The following CDK19 variants were observed in gnomAD, a reference collection of about 807,000 sequenced individuals.
The protein encoded by CDK19 is cyclin-dependent kinase 19.
CDK19 carries 20 observed loss-of-function variants against 68.3 expected under a neutral mutation model. The observed-to-expected ratio is 0.29, with a 90% CI of 0.21 to 0.43. CDK19 has a LOEUF of 0.43. CDK19 is among the 20% of genes least tolerant of loss of function. The probability of loss-of-function intolerance (pLI) is 1.00; values close to 1 mark genes in which losing one functional copy is unlikely to be tolerated. For synonymous variants in CDK19, 221 were observed against 222.8 expected, an observed-to-expected ratio of 0.99 and a Z score of 0.07; for missense variants, 339 against 623.5, an observed-to-expected ratio of 0.54 and a Z score of 4.86.
chr6:110,724,932 T>C (rs940214637), intron 2 of CDK19, among the ~76,000 whole-genome samples: 4 of 152,182 alleles, frequency 2.6e-5, no homozygotes, highest in South Asian at 2.1e-4. Context: ...GTACCAGCTA[T>C]TGGAGTCTTT....
At chr6:110,675,864 C>T (rs1475579127) in intron 2 of CDK19, among the ~76,000 whole-genome samples, 2 of 152,280 alleles carry the variant, frequency 1.3e-5, no homozygotes, top group Non-Finnish European at 1.5e-5. Flanking sequence ...GAGATTAATG[C>T]TGCTTTCCTG....
chr6:110,675,685 A>G (rs867767342), intron 2 of CDK19, among the ~76,000 whole-genome samples: 2 of 152,160 alleles, frequency 1.3e-5, no homozygotes, highest in Middle Eastern at 6.8e-3. Context: ...GTGCTCCATA[A>G]ATGTAACAAC....
intron 2 of CDK19, among the ~76,000 whole-genome samples, chr6:110,719,043 G>C (rs1290255987): frequency 6.6e-6 from 1 of 152,090 alleles, no homozygotes; most frequent in Non-Finnish European, 1.5e-5. Flanking sequence ...AAATGCAAGC[G>C]TAACTACTAA....
chr6:110,679,082 G>C (rs989318057), intron 2 of CDK19, among the ~76,000 whole-genome samples: 1 of 152,166 alleles, frequency 6.6e-6, no homozygotes, highest in African/African-American at 2.4e-5. Flanking sequence ...GCCAAGGCAG[G>C]AGGACCACTC....
intron 2 of CDK19, among the ~76,000 whole-genome samples, chr6:110,716,561 A>G (rs1775415082): frequency 1.3e-5 from 2 of 152,218 alleles, no homozygotes; most frequent in African/African-American, 4.8e-5. Flanking sequence ...TTCTACAAAA[A>G]GATTATAGAA....
At chr6:110,814,774 G>C (rs577863985) in intron 1 of CDK19, 2 of 662,858 alleles carry the variant, frequency 3.0e-6, no homozygotes, top group South Asian at 1.5e-5. Context: ...CCTCTGGGAC[G>C]GGACCGACGC....
At chr6:110,681,067 G>C (rs1258123904) in intron 2 of CDK19, among the ~76,000 whole-genome samples, 3 of 151,844 alleles carry the variant, frequency 2.0e-5, no homozygotes, top group African/African-American at 7.3e-5. Context: ...GCTGGGCGTG[G>C]TGGCTCACAC....
chr6:110,742,431 G>T (rs1777748563), intron 2 of CDK19, among the ~76,000 whole-genome samples: 1 of 152,110 alleles, frequency 6.6e-6, no homozygotes, highest in Non-Finnish European at 1.5e-5. Context: ...TGAAATCAGT[G>T]CACCCTGAAA....
At chr6:110,654,305 A>T (rs1781162009) in intron 4 of CDK19, among the ~76,000 whole-genome samples, 1 of 152,168 alleles carries the variant, frequency 6.6e-6, no homozygotes, top group Non-Finnish European at 1.5e-5. Context: ...TAAGAGTAAA[A>T]TCTATGCCTT....
At chr6:110,726,680 G>A (rs931854925) in intron 2 of CDK19, among the ~76,000 whole-genome samples, 4 of 152,094 alleles carry the variant, frequency 2.6e-5, no homozygotes, top group African/African-American at 9.7e-5. Context: ...AATTGAGTGG[G>A]AAAGATAGAT....
At chr6:110,695,670 C>T (rs1307517263) in intron 2 of CDK19, among the ~76,000 whole-genome samples, 1 of 151,964 alleles carries the variant, frequency 6.6e-6, no homozygotes, top group Non-Finnish European at 1.5e-5. Context: ...GATATTACAA[C>T]CGATACCACA....
chr6:110,755,802 T>C (rs1438474167), intron 1 of CDK19, among the ~76,000 whole-genome samples: 1 of 152,086 alleles, frequency 6.6e-6, no homozygotes, highest in Non-Finnish European at 1.5e-5. Flanking sequence ...ATCAAACAGG[T>C]ATTCTCAGTA....
At chr6:110,675,129 A>G (rs112159435) in intron 2 of CDK19, among the ~76,000 whole-genome samples, 3,136 of 152,304 alleles carry the variant, frequency 0.021, 97 homozygotes, top group African/African-American at 0.073. Context: ...TGGCTACACT[A>G]AACAACAGAT....
intron 2 of CDK19, among the ~76,000 whole-genome samples, chr6:110,712,128 C>A (rs1582922993): frequency 6.6e-6 from 1 of 152,220 alleles, no homozygotes; most frequent in African/African-American, 2.4e-5. Flanking sequence ...AGACAGGCTA[C>A]TCCTCCTGTA....
chr6:110,805,632 C>T (rs1228862540), intron 1 of CDK19, among the ~76,000 whole-genome samples: 1 of 150,458 alleles, frequency 6.6e-6, no homozygotes. Flanking sequence ...CACAAATCTG[C>T]GTGTAAGTGG....
intron 1 of CDK19, among the ~76,000 whole-genome samples, chr6:110,767,844 CTT>C (rs777099988): frequency 6.6e-5 from 10 of 151,970 alleles, no homozygotes; most frequent in Non-Finnish European, 1.2e-4. Context: ...GGAAGTTAGA[CTT>C]GAGTAAAACT....
At chr6:110,675,759 C>T (rs568077586) in intron 2 of CDK19, among the ~76,000 whole-genome samples, 1 of 151,996 alleles carries the variant, frequency 6.6e-6, no homozygotes, top group African/African-American at 2.4e-5. Context: ...GCCCACTATT[C>T]GGACTGACTA....
intron 2 of CDK19, chr6:110,722,260 A>G (rs1775956046): frequency 6.6e-6 from 1 of 152,028 alleles, no homozygotes; most frequent in African/African-American, 2.4e-5. Flanking sequence ...TTAAATATGG[A>G]ACTCTTCACA....
rs1461167708 is a variant in CDK19, at chr6:110,621,368, ATTCTT to A, written c.1111-3_1112del. ...GATGCTGGTTCTGCTGCTGTTGCTG[ATTCTT>A]TTAAGGGGAAAAAAGCAAGCTTGGT... On this transcript the variant is annotated splice_acceptor_variant and splice_polypyrimidine_tract_variant and coding_sequence_variant and intron_variant, in exon 12 of 13. Transcript: ENST00000368911. LOFTEE classifies it high-confidence loss of function. This position sits in a 1 kb window ranked among gnomAD's most constrained non-coding sequence, Gnocchi z 5.4. 14 of 1,539,448 alleles carry A rather than the reference ATTCTT, an allele frequency of 9.1e-6. No individual in the cohort carries two copies. The highest frequency in any genetic ancestry group is 1.1e-5 in the Non-Finnish European group (13 of 1,146,266).
Sources: gnomAD v4.1 joint callset for allele counts (sites outside exome capture counted in the v4.1 genomes callset) on GRCh38, gnomAD v4.1.1 for gene constraint, Gnocchi (gnomAD v3.1) non-coding constraint, MANE v1.5 for transcripts, NCBI Gene and HGNC (gene_info 2026-07-23, HGNC 2026-07-21) for gene names.